The following CD8B2 variants were observed in gnomAD, a reference collection of about 807,000 sequenced individuals.
CD8B2 encodes CD8B family member 2, also known as T-cell surface glycoprotein CD8 beta-2 chain.
A neutral mutation model predicts 23.7 loss-of-function variants in CD8B2; 11 were observed. The observed-to-expected ratio is 0.46, with a 90% CI of 0.29 to 0.77. CD8B2 has a LOEUF of 0.77. Among genes scored for constraint, CD8B2 ranks in the 30% least tolerant of loss-of-function variants. CD8B2 has a pLI of 0.09. For synonymous variants in CD8B2, 90 were observed against 109.3 expected (o/e 0.82, Z 1.10); for missense variants, 197 against 270.5 (o/e 0.73, Z 1.91).
chr2:106,496,038 A>T lies in CD8B2; in HGVS notation c.404-135A>T. ...GGTCTCAACCTCCCGAGCTCAAATG[A>T]TCTCCTGCCTTGGCCTCCGGAAGTG... is the stretch of plus-strand genomic sequence containing the variant. On this transcript the variant is annotated intron_variant, in intron 2 of 5. Coordinates refer to ENST00000643224, the MANE Select transcript of CD8B2 (RefSeq NM_001349727.2). The T allele has an allele frequency of 2.8e-6, 4 of 1,433,232 alleles. No homozygotes were observed. In the Admixed American group the frequency reaches 8.7e-5, roughly 31 times the overall value. 88.8% of individuals were successfully genotyped at this position (1,433,232 alleles called of 1,614,324 possible).
chr2:106,512,811 C>G (rs1052714983), downstream of CD8B2, among the ~76,000 whole-genome samples: 5 of 152,104 alleles, frequency 3.3e-5, no homozygotes, highest in African/African-American at 7.2e-5. Flanking sequence ...CCAGCCAGCC[C>G]TGTGCTGGGA....
chr2:106,515,756 C>G (rs4603762), downstream of CD8B2, among the ~76,000 whole-genome samples: 149,936 of 152,262 alleles, frequency 0.98, 73,862 homozygotes, highest in East Asian at 1. Flanking sequence ...GGATCAACAG[C>G]ATCAAGAAAT....
rs1167871020 is a variant in CD8B2, at chr2:106,510,826, AAT to A, written c.*3888_*3889del. On this transcript the variant is annotated 3_prime_UTR_variant, in exon 6 of 6. Coordinates refer to ENST00000643224, the MANE Select transcript of CD8B2 (RefSeq NM_001349727.2). The stretch of plus-strand genomic sequence containing the variant: ...GAAATCTCGAGAATATAATACATAA[AAT>A]AGAGAATATAGAAAATTAAATCTTC... 6.6e-6 allele frequency: 1 copy of A among 152,154 alleles called. No individual in the cohort carries two copies. Among genetic ancestry groups the A allele is most frequent in the Non-Finnish European group, 1.5e-5 (1 of 68,020 alleles). The allele number at this position is 152,154 out of a possible 1,614,324, so 9.4% of individuals were successfully genotyped here.
At chr2:106,531,656 T>C (rs11678397) in intron 5 of CD8B2, among the ~76,000 whole-genome samples, 11,487 of 152,224 alleles carry the variant, frequency 0.075, 607 homozygotes, top group African/African-American at 0.15. Context: ...CCCCAGCTAC[T>C]TTCCCTCTGA....
chr2:106,507,435 G>C lies in CD8B2; in HGVS notation c.*495G>C. The C allele has an allele frequency of 1.0e-6, 1 of 985,836 alleles. No individual in the cohort carries two copies. Among genetic ancestry groups the C allele is most frequent in the Non-Finnish European group, 1.2e-6 (1 of 830,266 alleles). The allele number at this position is 985,836 out of a possible 1,614,324, so 61.1% of individuals were successfully genotyped here. On this transcript the variant is annotated 3_prime_UTR_variant, in exon 6 of 6. Coordinates refer to ENST00000643224, the MANE Select transcript of CD8B2 (RefSeq NM_001349727.2). ...GGTTGGGAATGAGGCTTGCTGAGAG[G>C]GGCTGTCCAGTTCCCAGAAGCCATG...
intron 5 of CD8B2, among the ~76,000 whole-genome samples, chr2:106,526,880 C>T (rs1296801769): frequency 6.6e-6 from 1 of 152,178 alleles, no homozygotes; most frequent in Non-Finnish European, 1.5e-5. Context: ...GACCTCAGGT[C>T]ATCTGCCTGC....
chr2:106,510,386 A>G lies in CD8B2; in HGVS notation c.*3446A>G, dbSNP rs1679602025. 1 of 151,798 alleles carries G rather than the reference A, an allele frequency of 6.6e-6. No homozygotes were observed. The allele number at this position is 151,798 out of a possible 1,614,324, so 9.4% of individuals were successfully genotyped here. A position where few individuals can be genotyped will look rare whatever the true frequency, so the allele number is the denominator to read the frequency against. On this transcript the variant is annotated 3_prime_UTR_variant, in exon 6 of 6. Transcript: ENST00000643224. ...TACTTCAAGAAAGAGACTTTTTAAA[A>G]TCCAAGTACAGAACATTGTAGAACC...
In CD8B2 at chr2:106,491,164, G is replaced by A. The variant is rs1679188888; in HGVS notation, c.334G>A (p.Gly112Ser). 1.2e-6 allele frequency: 2 copies of A among 1,613,872 alleles called. No individual in the cohort carries two copies. The highest frequency in any genetic ancestry group is 1.1e-5 in the South Asian group (1 of 91,080). ...NLTSVKPEDS[G>S]IYFCMIVGSP... ...CACAAGCGTGAAGCCGGAGGACAGT[G>A]GCATCTACTTCTGCATGATCGTCGG... The change falls in exon 2 of 6, where the codon GGC becomes AGC. Residue 112 changes from glycine to serine, a missense_variant. By Grantham distance (56) the Gly-to-Ser change is moderately conservative (BLOSUM62 0). Coordinates refer to ENST00000643224, the MANE Select transcript of CD8B2 (RefSeq NM_001349727.2).
At chr2:106,537,470 T>G (rs1680106885) in intron 5 of CD8B2, among the ~76,000 whole-genome samples, 2 of 152,180 alleles carry the variant, frequency 1.3e-5, no homozygotes, top group African/African-American at 4.8e-5. Flanking sequence ...ACAGCTTATC[T>G]TACTTAATTT....
chr2:106,510,054 A>G lies in CD8B2; in HGVS notation c.*3114A>G, dbSNP rs1471900658. Reference sequence around the variant, plus strand: ...ATGCTGATATCAAATGATGGTCATGACAAATGCATATATTTTTAAAACATC... The same window carrying G: ...ATGCTGATATCAAATGATGGTCATGGCAAATGCATATATTTTTAAAACATC... On this transcript the variant is annotated 3_prime_UTR_variant, in exon 6 of 6. Transcript: ENST00000643224. The G allele has an allele frequency of 1.3e-5, 2 of 152,234 alleles. No individual in the cohort carries two copies. Among genetic ancestry groups the G allele is most frequent in the Non-Finnish European group, 2.9e-5 (2 of 68,046 alleles). The allele number at this position is 152,234 out of a possible 1,614,324, so 9.4% of individuals were successfully genotyped here.
chr2:106,500,999 T>C (rs1679394445), intron 3 of CD8B2, among the ~76,000 whole-genome samples: 1 of 152,216 alleles, frequency 6.6e-6, no homozygotes, highest in Non-Finnish European at 1.5e-5. Context: ...TTTGATGATA[T>C]CAAGGGTCAG....
chr2:106,496,219 C>T lies in CD8B2; in HGVS notation c.450C>T (p.Leu150=). ...TTAQPTKKST[L]KKRVCRLPRP... ...CCCAGCCCACCAAGAAGTCCACCCT[C>T]AAGAAGAGAGTGTGCCGGTTACCCA... is the stretch of plus-strand genomic sequence containing the variant. Residue 150 remains leucine (L), a synonymous_variant, in exon 3 of 6, where the codon CTC becomes CTT. Coordinates refer to ENST00000643224, the MANE Select transcript of CD8B2 (RefSeq NM_001349727.2). 3.2e-6 allele frequency: 5 copies of T among 1,543,794 alleles called. No individual in the cohort carries two copies. Among genetic ancestry groups the T allele is most frequent in the Non-Finnish European group, 3.5e-6 (4 of 1,143,538 alleles).
At chr2:106,501,848 T>C (rs1398410183) in intron 3 of CD8B2, among the ~76,000 whole-genome samples, 1 of 152,234 alleles carries the variant, frequency 6.6e-6, no homozygotes, top group Non-Finnish European at 1.5e-5. Context: ...AATGAAAATA[T>C]ATTCAGCTAT....
intron 5 of CD8B2, among the ~76,000 whole-genome samples, chr2:106,526,234 G>T (rs1479565826): frequency 2.2e-5 from 3 of 138,442 alleles, no homozygotes; most frequent in Non-Finnish European, 4.6e-5. Context: ...AAGAGAGCGA[G>T]ACTCCATCTC....
chr2:106,491,814 G>T (rs973108553), intron 2 of CD8B2, among the ~76,000 whole-genome samples: 13 of 152,266 alleles, frequency 8.5e-5, no homozygotes, highest in African/African-American at 3.1e-4. Flanking sequence ...CTCCCAAAGC[G>T]CTAGGATTAC....
At chr2:106,533,352 G>T (rs575576839) in intron 5 of CD8B2, among the ~76,000 whole-genome samples, 2 of 152,320 alleles carry the variant, frequency 1.3e-5, no homozygotes, top group African/African-American at 4.8e-5. Flanking sequence ...CTAGGGAGCA[G>T]ACCAGGATTT....
At chr2:106,489,853 C>G (rs562585890) in intron 1 of CD8B2, among the ~76,000 whole-genome samples, 6 of 152,164 alleles carry the variant, frequency 3.9e-5, no homozygotes, top group Non-Finnish European at 7.3e-5. Context: ...CATAAGAAGA[C>G]AGAGGCTCAG....
At chr2:106,498,151 T>TC (rs745896321) in intron 3 of CD8B2, among the ~76,000 whole-genome samples, 28 of 139,186 alleles carry the variant, frequency 2.0e-4, no homozygotes, top group East Asian at 1.9e-3. Flanking sequence ...TTTCTTTCTT[T>TC]CTTTTTTTTT....
At chr2:106,529,671 G>A (rs747128221) in intron 5 of CD8B2, among the ~76,000 whole-genome samples, 100 of 152,314 alleles carry the variant, frequency 6.6e-4, no homozygotes, top group Middle Eastern at 6.8e-3. Context: ...CCTTCTGGCT[G>A]ACACTGGATA....
Sources: gnomAD v4.1 joint callset for allele counts (sites outside exome capture counted in the v4.1 genomes callset) on GRCh38, gnomAD v4.1.1 for gene constraint, MANE v1.5 for transcripts, NCBI Gene and HGNC (gene_info 2026-07-23, HGNC 2026-07-21) for gene names.